SMYD4: variants seen among roughly 807,000 people sequenced by gnomAD.
SMYD4 encodes the protein protein-lysine N-methyltransferase SMYD4.
SMYD4 carries 68 observed loss-of-function variants against 72.8 expected under a neutral mutation model. That is an observed-to-expected ratio of 0.93 (90% CI 0.77 to 1.14). The LOEUF (loss-of-function observed/expected upper bound fraction) is 1.14. SMYD4 is among the 50% of genes most tolerant of loss of function. The pLI is 0.00. For synonymous variants in SMYD4, 407 were observed against 388.6 expected (o/e 1.05, Z -0.56); for missense variants, 984 against 1,003.7 (o/e 0.98, Z 0.27).
At chr17:1,824,091 C>T (rs1159174290) in intron 2 of SMYD4, among the ~76,000 whole-genome samples, 1 of 152,126 alleles carries the variant, frequency 6.6e-6, no homozygotes, top group Non-Finnish European at 1.5e-5. Flanking sequence ...GCCTGTAATT[C>T]CAGGACTTTG....
intron 1 of SMYD4, among the ~76,000 whole-genome samples, chr17:1,828,210 G>A (rs1911303923): frequency 6.6e-6 from 1 of 151,962 alleles, no homozygotes; most frequent in Non-Finnish European, 1.5e-5. Context: ...AATTAGCCAG[G>A]TGTGGTGGCG....
At chr17:1,817,042 C>T (rs983102478) in intron 2 of SMYD4, among the ~76,000 whole-genome samples, 5 of 127,732 alleles carry the variant, frequency 3.9e-5, no homozygotes, top group African/African-American at 1.4e-4. Context: ...CCTTGGTGCA[C>T]AAAACCTTTT....
Position 1,780,536 on chromosome 17 carries a change from C to T in SMYD4, c.*750G>A, listed in dbSNP as rs1330127346. ...TGGGCCTGCAGAACCTACACAGAAT[C>T]CGCACCTGGTCTGCAGAACCCACAC... On this transcript the variant is annotated 3_prime_UTR_variant, in exon 11 of 11. Transcript: ENST00000305513. 2 of 152,130 alleles carry T rather than the reference C, an allele frequency of 1.3e-5. No homozygotes were observed. The highest frequency in any genetic ancestry group is 4.8e-5 in the African/African-American group (2 of 41,406). 9.4% of individuals were successfully genotyped at this position (152,130 alleles called of 1,614,324 possible).
At chr17:1,787,708 T>A in intron 5 of SMYD4, 104 bp from the exon 6 acceptor site, 1 of 1,162,296 alleles carries the variant, frequency 8.6e-7, no homozygotes, top group Non-Finnish European at 1.2e-6. Flanking sequence ...CTGCAGCCCG[T>A]GTGAGTCATG....
intron 5 of SMYD4, among the ~76,000 whole-genome samples, chr17:1,797,598 A>G (rs1468669914): frequency 6.6e-6 from 1 of 152,254 alleles, no homozygotes; most frequent in East Asian, 1.9e-4. Context: ...GCAGGCTGGC[A>G]GCTTCTGCTG....
chr17:1,801,050 A>G, intron 4 of SMYD4, 26 bp from the exon 5 acceptor site: 1 of 1,571,672 alleles, frequency 6.4e-7, no homozygotes, highest in Non-Finnish European at 8.7e-7. Context: ...AAATCCCACA[A>G]TGACCCTTGG....
intron 3 of SMYD4, among the ~76,000 whole-genome samples, chr17:1,809,263 A>G (rs772142247): frequency 6.6e-6 from 1 of 152,180 alleles, no homozygotes; most frequent in Non-Finnish European, 1.5e-5. Context: ...TTAAGCCCAT[A>G]TAAGTATCTT....
intron 4 of SMYD4, among the ~76,000 whole-genome samples, chr17:1,803,154 C>G (rs1374771500): frequency 6.6e-6 from 1 of 152,084 alleles, no homozygotes; most frequent in African/African-American, 2.4e-5. Context: ...AAAAACAAAA[C>G]AAAACAAAAC....
intron 5 of SMYD4, 113 bp downstream of exon 5, chr17:1,799,744 C>T (rs1052926061): frequency 7.0e-6 from 7 of 1,006,290 alleles, no homozygotes; most frequent in Non-Finnish European, 8.4e-6. Context: ...CTTAGTGATC[C>T]CATTAGCTCA....
intron 6 of SMYD4, among the ~76,000 whole-genome samples, 156 bp from the exon 7 acceptor site, chr17:1,787,129 C>T (rs563654281): frequency 5.3e-5 from 8 of 152,344 alleles, no homozygotes; most frequent in South Asian, 4.1e-4. Context: ...AAATAAGCTT[C>T]CAAGTTGCTG....
Position 1,799,863 on chromosome 17 carries a change from G to GA in SMYD4, c.1530_1531insT (p.His511SerfsTer5), listed in dbSNP as rs757074688. The GA allele has an allele frequency of 8.8e-6, 14 of 1,593,504 alleles. No homozygotes were observed. In the African/African-American group the frequency reaches 1.6e-4, roughly 18 times the overall value. On this transcript the variant is annotated frameshift_variant, in exon 5 of 11. Coordinates refer to ENST00000305513, the MANE Select transcript of SMYD4 (RefSeq NM_052928.3). LOFTEE classifies it high-confidence loss of function. ...ACATCAGGTTCCCTCTTACCTGTGT[G>GA]TTGTATGGTGGTCATCGCCTGAGCG...
intron 2 of SMYD4, among the ~76,000 whole-genome samples, chr17:1,816,796 G>A (rs1222124265): frequency 6.6e-6 from 1 of 151,672 alleles, no homozygotes; most frequent in Non-Finnish European, 1.5e-5. Context: ...TGTGGTTTTG[G>A]TGTGTGTTTC....
chr17:1,784,063 G>A (rs182646872), intron 8 of SMYD4, among the ~76,000 whole-genome samples: 10 of 152,354 alleles, frequency 6.6e-5, no homozygotes, highest in Non-Finnish European at 1.2e-4. Flanking sequence ...GCGATGACCC[G>A]TTAGTTGGCA....
intron 10 of SMYD4, chr17:1,782,478 C>CA (rs34006259): frequency 0.015 from 1,892 of 123,430 alleles, 38 homozygotes; most frequent in African/African-American, 0.045. Flanking sequence ...GACCCCTTCT[C>CA]AAAAAAAAAA....
intron 8 of SMYD4, 199 bp from the exon 9 acceptor site, chr17:1,783,675 G>C (rs190016116): frequency 2.3e-6 from 2 of 880,284 alleles, no homozygotes; most frequent in African/African-American, 1.7e-5. Flanking sequence ...GGAGAAAGGC[G>C]CTAGGGGAGG....
intron 3 of SMYD4, among the ~76,000 whole-genome samples, chr17:1,806,630 C>T (rs1014094691): frequency 6.6e-6 from 1 of 152,024 alleles, no homozygotes; most frequent in Non-Finnish European, 1.5e-5. Context: ...ACCTATCAGG[C>T]AAAGCAAAAT....
intron 2 of SMYD4, among the ~76,000 whole-genome samples, chr17:1,813,407 T>A (rs1454711256): frequency 6.6e-6 from 1 of 152,130 alleles, no homozygotes; most frequent in Non-Finnish European, 1.5e-5. Context: ...TTTGGAAGAA[T>A]TCACCAATTC....
chr17:1,795,344 A>G (rs369100785), intron 5 of SMYD4, among the ~76,000 whole-genome samples: 2 of 114,874 alleles, frequency 1.7e-5, no homozygotes, highest in East Asian at 2.4e-4. Flanking sequence ...CTAATCATCT[A>G]TCTATCTATC....
Position 1,812,122 on chromosome 17 carries a change from G to A in SMYD4, c.135-7C>T, listed in dbSNP as rs1910360901. On this transcript the variant is annotated splice_region_variant and splice_polypyrimidine_tract_variant and intron_variant, in intron 2 of 10. Transcript: ENST00000305513. ...AAACAGCTCATCCTCAGGTCTGCAT[G>A]AAGAAAGGAGGAAACAAAGTAAGCA... The A allele has an allele frequency of 6.2e-6, 10 of 1,610,064 alleles. No homozygotes were observed. The highest frequency in any genetic ancestry group is 8.5e-6 in the Non-Finnish European group (10 of 1,178,908).
Sources: allele counts gnomAD v4.1 joint callset (sites outside exome capture counted in the v4.1 genomes callset), GRCh38; gene constraint gnomAD v4.1.1; transcripts MANE v1.5; gene names NCBI Gene and HGNC (gene_info 2026-07-23, HGNC 2026-07-21).